Variants in FGD6 observed in about 807,000 individuals in gnomAD.
FGD6 encodes FYVE, RhoGEF and PH domain-containing protein 6.
A neutral mutation model predicts 149.4 loss-of-function variants in FGD6; 90 were observed. The observed-to-expected ratio is 0.60, with a 90% confidence interval of 0.51 to 0.72. The LOEUF (loss-of-function observed/expected upper bound fraction) is 0.72, where lower values mean the gene tolerates loss of function less well. Among genes scored for constraint, FGD6 ranks in the 30% least tolerant of loss-of-function variants. The probability of loss-of-function intolerance (pLI) is 0.00; values close to 1 mark genes in which losing one functional copy is unlikely to be tolerated. For missense variants in FGD6, 1,437 were observed against 1,684.8 expected, an observed-to-expected ratio of 0.85 and a Z score of 2.57; for synonymous variants, 527 against 584.0, an observed-to-expected ratio of 0.90 and a Z score of 1.41.
At chr12:95,164,384 GTTC>G (rs1157820866) in intron 3 of FGD6, among the ~76,000 whole-genome samples, 1 of 150,862 alleles carries the variant, frequency 6.6e-6, no homozygotes, top group Non-Finnish European at 1.5e-5. Context: ...TCTTAATTGT[GTTC>G]TTATCATATG....
At chr12:95,207,605 T>C (rs10777673) in intron 2 of FGD6, among the ~76,000 whole-genome samples, 134,081 of 152,194 alleles carry the variant, frequency 0.88, 59,382 homozygotes, top group African/African-American at 0.96. Context: ...GTGGTTGCTC[T>C]CTTGGCCTAT....
intron 18 of FGD6, among the ~76,000 whole-genome samples, chr12:95,087,962 T>C (rs10128863): frequency 0.12 from 18,579 of 152,246 alleles, 1,487 homozygotes; most frequent in Non-Finnish European, 0.18. Context: ...CTAGAATGTT[T>C]AACATTCAAA....
rs1879622411 is a variant in FGD6, at chr12:95,134,834, G to A, written c.2995-8C>T. The A allele has an allele frequency of 1.9e-6, 3 of 1,608,330 alleles. No individual in the cohort carries two copies. Among genetic ancestry groups the A allele is most frequent in the Non-Finnish European group, 2.5e-6 (3 of 1,177,288 alleles). ...AGCACAGCGAGGGCTCATCTGAAAGGAGAAGGCATCTAAATTAACACAGTG... is the reference window on the plus strand; with the variant it reads ...AGCACAGCGAGGGCTCATCTGAAAGAAGAAGGCATCTAAATTAACACAGTG... On this transcript the variant is annotated splice_polypyrimidine_tract_variant and splice_region_variant and intron_variant, in intron 7 of 20. Coordinates refer to ENST00000343958, the MANE Select transcript of FGD6 (RefSeq NM_018351.4).
At chr12:95,142,342 A>T (rs1190839402) in intron 5 of FGD6, among the ~76,000 whole-genome samples, 1 of 151,878 alleles carries the variant, frequency 6.6e-6, no homozygotes, top group Non-Finnish European at 1.5e-5. Flanking sequence ...ACGGCGTTTC[A>T]CCATGTTGGC....
At chr12:95,086,495 T>C (rs1877864926) in intron 18 of FGD6, among the ~76,000 whole-genome samples, 1 of 151,256 alleles carries the variant, frequency 6.6e-6, no homozygotes, top group Admixed American at 6.6e-5. Context: ...TTCATCTCTA[T>C]GCAAAAAGAC....
Position 95,183,141 on chromosome 12 carries a change from A to G in FGD6, c.2442-10397T>C, listed in dbSNP as rs568338427. 3.9e-5 allele frequency among the ~76,000 whole-genome samples: 6 copies of G among 152,338 alleles called. No individual in the cohort carries two copies. The South Asian group carries it at 1.2e-3, about 32-fold the overall frequency. On this transcript the variant is annotated intron_variant, in intron 2 of 20. Transcript: ENST00000343958. Reference sequence around the variant, plus strand: ...CTGGGGAAAATCAGAAGGGCTCCAAATGGTCTCACTACACACTGCCCTTCC... The same window carrying G: ...CTGGGGAAAATCAGAAGGGCTCCAAGTGGTCTCACTACACACTGCCCTTCC...
chr12:95,172,121 A>C (rs975992063), intron 3 of FGD6, among the ~76,000 whole-genome samples: 1 of 152,026 alleles, frequency 6.6e-6, no homozygotes, highest in Non-Finnish European at 1.5e-5. Context: ...CACGCCTGTA[A>C]TCCCAGCACT....
intron 14 of FGD6, among the ~76,000 whole-genome samples, chr12:95,103,359 C>G (rs1481912734): frequency 6.6e-6 from 1 of 152,160 alleles, no homozygotes; most frequent in Non-Finnish European, 1.5e-5. Context: ...CCAGTCAAAC[C>G]TTCCCAAATA....
intron 14 of FGD6, among the ~76,000 whole-genome samples, chr12:95,102,662 G>C (rs373025128): frequency 6.6e-6 from 1 of 152,122 alleles, no homozygotes; most frequent in African/African-American, 2.4e-5. Flanking sequence ...CATCCTGTAT[G>C]TCAGGCAGCA....
chr12:95,189,131 AC>A (rs1881521648), intron 2 of FGD6: 1 of 152,132 alleles, frequency 6.6e-6, no homozygotes. Flanking sequence ...GCTTCTATAC[AC>A]CCCCACACCC....
chr12:95,205,223 G>A (rs2056687128), intron 2 of FGD6, among the ~76,000 whole-genome samples: 1 of 151,494 alleles, frequency 6.6e-6, no homozygotes, highest in African/African-American at 2.4e-5. Flanking sequence ...AGCAGTGATG[G>A]TGCCACTGTA....
chr12:95,215,899 A>G (rs1479180983), intron 1 of FGD6, among the ~76,000 whole-genome samples: 2 of 152,232 alleles, frequency 1.3e-5, no homozygotes, highest in Non-Finnish European at 2.9e-5. Flanking sequence ...GGCTGGAAGG[A>G]TTTTAAAATT....
At chr12:95,155,603 G>T (rs1371082126) in intron 3 of FGD6, among the ~76,000 whole-genome samples, 3 of 152,112 alleles carry the variant, frequency 2.0e-5, no homozygotes, top group African/African-American at 7.2e-5. Flanking sequence ...GAACTATAGG[G>T]GAAAGTTTTA....
chr12:95,178,392 A>C (rs375140469), intron 2 of FGD6, among the ~76,000 whole-genome samples: 3 of 152,204 alleles, frequency 2.0e-5, no homozygotes, highest in African/African-American at 7.2e-5. Context: ...TAGGTAAAGT[A>C]GGTAAACTAG....
At chr12:95,139,277 A>C (rs1404869089) in intron 6 of FGD6, among the ~76,000 whole-genome samples, 1 of 152,046 alleles carries the variant, frequency 6.6e-6, no homozygotes, top group African/African-American at 2.4e-5. Flanking sequence ...TGTCTCTACA[A>C]AAAATTAAAA....
chr12:95,089,465 A>G, intron 18 of FGD6, 104 bp downstream of exon 18: 1 of 1,367,802 alleles, frequency 7.3e-7, no homozygotes, highest in Non-Finnish European at 1.0e-6. Context: ...ATGACTTAAT[A>G]GTTGTGGGAA....
intron 2 of FGD6, among the ~76,000 whole-genome samples, chr12:95,175,541 T>C (rs1881110755): frequency 6.6e-6 from 1 of 150,500 alleles, no homozygotes; most frequent in South Asian, 2.1e-4. Context: ...AGCCCAGGAG[T>C]TTGAGACAAG....
chr12:95,103,317 G>A lies in FGD6; in HGVS notation c.3497+1690C>T, dbSNP rs1189035630. Among the ~76,000 whole-genome samples, 4 of 152,296 alleles carry A rather than the reference G, an allele frequency of 2.6e-5. No homozygotes were observed. The East Asian group carries it at 7.7e-4, about 29-fold the overall frequency. The stretch of plus-strand genomic sequence containing the variant: ...CTCATTATTTAGATTGTGCAGTGGA[G>A]CATGCTATGACTATTGGCATCTCTC... On this transcript the variant is annotated intron_variant, in intron 14 of 20. Coordinates refer to ENST00000343958, the MANE Select transcript of FGD6 (RefSeq NM_018351.4).
chr12:95,093,078 G>A (rs1468902052), intron 15 of FGD6, among the ~76,000 whole-genome samples: 4 of 152,122 alleles, frequency 2.6e-5, no homozygotes, highest in African/African-American at 7.2e-5. Context: ...AAAATTAGCC[G>A]GGTGTGGTGG....
Sources: allele counts gnomAD v4.1 joint callset (sites outside exome capture counted in the v4.1 genomes callset), GRCh38; gene constraint gnomAD v4.1.1; transcripts MANE v1.5; gene names NCBI Gene and HGNC (gene_info 2026-07-23, HGNC 2026-07-21).